DOCK3: variants seen among roughly 807,000 people sequenced by gnomAD.
DOCK3 encodes dedicator of cytokinesis protein 3.
DOCK3 carries 60 observed loss-of-function variants against 265.6 expected under a neutral mutation model. The ratio of observed to expected loss-of-function variants is 0.23; its 90% CI spans 0.18 to 0.28. The LOEUF (loss-of-function observed/expected upper bound fraction) is 0.28. Among genes scored for constraint, DOCK3 ranks in the 10% least tolerant of loss-of-function variants. DOCK3 has a pLI of 1.00. For synonymous variants in DOCK3, 881 were observed against 938.0 expected (o/e 0.94, Z 1.11); for missense variants, 1,981 against 2,594.3 (o/e 0.76, Z 5.14).
At chr3:51,276,424 A>C (rs2080822891) in intron 25 of DOCK3, 3 of 985,406 alleles carry the variant, frequency 3.0e-6, no homozygotes, top group Non-Finnish European at 3.6e-6. Context: ...AAGAGGAGGA[A>C]TGGAACACAA....
At chr3:50,883,913 A>G (rs2048191779) in intron 3 of DOCK3, among the ~76,000 whole-genome samples, 1 of 152,074 alleles carries the variant, frequency 6.6e-6, no homozygotes, top group Admixed American at 6.6e-5. Context: ...GCTGACAACC[A>G]TATGACTTCT....
chr3:50,955,097 T>A (rs2076693976), intron 5 of DOCK3, among the ~76,000 whole-genome samples: 1 of 152,146 alleles, frequency 6.6e-6, no homozygotes, highest in Admixed American at 6.5e-5. Flanking sequence ...GTGTCACTGA[T>A]CATTAGATAA....
chr3:51,265,727 A>G (rs770128206), intron 23 of DOCK3, among the ~76,000 whole-genome samples: 2 of 152,222 alleles, frequency 1.3e-5, no homozygotes, highest in Non-Finnish European at 2.9e-5. Flanking sequence ...ATTTATGACA[A>G]ACCCACAGCC....
At chr3:51,164,942 T>C (rs1488268330) in intron 12 of DOCK3, among the ~76,000 whole-genome samples, 1 of 131,436 alleles carries the variant, frequency 7.6e-6, no homozygotes, top group African/African-American at 3.6e-5. Flanking sequence ...TTAGGAGCCT[T>C]TTTTTTTTTT....
chr3:51,199,487 G>T (rs1420937573), intron 12 of DOCK3, among the ~76,000 whole-genome samples: 1 of 152,256 alleles, frequency 6.6e-6, no homozygotes, highest in Non-Finnish European at 1.5e-5. Flanking sequence ...GGCTGGGGGA[G>T]GGGCGCCCGC....
At chr3:51,141,528 C>T (rs2085069870) in intron 9 of DOCK3, among the ~76,000 whole-genome samples, 1 of 152,006 alleles carries the variant, frequency 6.6e-6, no homozygotes, top group South Asian at 2.1e-4. Context: ...CAGCTTCATT[C>T]CTTTGCATGT....
chr3:50,814,399 C>T (rs963151700), intron 2 of DOCK3, among the ~76,000 whole-genome samples: 19 of 150,888 alleles, frequency 1.3e-4, no homozygotes, highest in South Asian at 2.1e-4. Flanking sequence ...CCTGAGTAGC[C>T]GGGACTACAG....
intron 10 of DOCK3, among the ~76,000 whole-genome samples, chr3:51,155,716 A>G (rs2085813181): frequency 6.6e-6 from 1 of 152,218 alleles, no homozygotes; most frequent in Non-Finnish European, 1.5e-5. Flanking sequence ...CTACCAAGGA[A>G]GAATTTTATC....
At chr3:51,123,584 G>C (rs913736044) in intron 9 of DOCK3, among the ~76,000 whole-genome samples, 5 of 152,138 alleles carry the variant, frequency 3.3e-5, no homozygotes, top group African/African-American at 1.2e-4. Context: ...AAGCTTCTTT[G>C]TGCTCTCTGT....
intron 1 of DOCK3, among the ~76,000 whole-genome samples, chr3:50,683,261 G>A (rs2107678608): frequency 6.6e-6 from 1 of 152,256 alleles, no homozygotes; most frequent in African/African-American, 2.4e-5. Context: ...CATTTAAAAA[G>A]TATTTTATAT....
At chr3:50,707,807 G>A (rs1315025728) in intron 1 of DOCK3, among the ~76,000 whole-genome samples, 1 of 152,016 alleles carries the variant, frequency 6.6e-6, no homozygotes, top group Non-Finnish European at 1.5e-5. Context: ...TGGCAGTGGT[G>A]TGCCACTTTT....
intron 1 of DOCK3, among the ~76,000 whole-genome samples, chr3:50,763,123 G>A (rs1290596105): frequency 6.6e-6 from 1 of 152,010 alleles, no homozygotes; most frequent in African/African-American, 2.4e-5. Flanking sequence ...TTACAGTGGG[G>A]TTATATCTCA....
At chr3:51,347,788 ATTTG>A (rs1219963553) in intron 38 of DOCK3, among the ~76,000 whole-genome samples, 1 of 152,132 alleles carries the variant, frequency 6.6e-6, no homozygotes, top group Non-Finnish European at 1.5e-5. Flanking sequence ...ATGTTCTTCC[ATTTG>A]TTTGTGTCCT....
intron 44 of DOCK3, 90 bp from the exon 45 acceptor site, chr3:51,357,668 T>C (rs1208671827): frequency 7.7e-7 from 1 of 1,305,296 alleles, no homozygotes; most frequent in Non-Finnish European, 1.1e-6. Flanking sequence ...GGCTGCTTTT[T>C]AGGTGGCATT....
intron 3 of DOCK3, among the ~76,000 whole-genome samples, chr3:50,882,701 C>T (rs190089101): frequency 6.4e-4 from 98 of 152,312 alleles, no homozygotes; most frequent in African/African-American, 2.3e-3. Flanking sequence ...TTGTGGAAGA[C>T]AGTGTGGAGA....
chr3:51,270,183 A>G (rs1256176264), intron 23 of DOCK3, among the ~76,000 whole-genome samples: 1 of 152,218 alleles, frequency 6.6e-6, no homozygotes, highest in East Asian at 1.9e-4. Context: ...ACAGTCCTCA[A>G]GAGTTTATGG....
chr3:50,756,607 G>T (rs2040178940), intron 1 of DOCK3, among the ~76,000 whole-genome samples: 1 of 152,174 alleles, frequency 6.6e-6, no homozygotes, highest in East Asian at 1.9e-4. Flanking sequence ...AGATCATATA[G>T]TAATTATATG....
chr3:51,359,036 C>G lies in DOCK3; in HGVS notation c.4884+959C>G, dbSNP rs1267108413. Among the ~76,000 whole-genome samples, 1 of 152,236 alleles carries G rather than the reference C, an allele frequency of 6.6e-6. No individual in the cohort carries two copies. The highest frequency in any genetic ancestry group is 1.9e-4 in the East Asian group (1 of 5,200). On this transcript the variant is annotated intron_variant, in intron 46 of 52. Transcript: ENST00000266037. The surrounding 1 kb of genome is among the most constrained non-coding windows in gnomAD (Gnocchi z 4.8). Reference sequence around the variant, plus strand: ...CAAGCCAAGTTCTCTTCTCATCACCCAGGACCACTGGACAGAAGTGGCAGG... The same window carrying G: ...CAAGCCAAGTTCTCTTCTCATCACCGAGGACCACTGGACAGAAGTGGCAGG...
intron 12 of DOCK3, among the ~76,000 whole-genome samples, chr3:51,162,211 G>T (rs981493157): frequency 3.3e-5 from 5 of 151,986 alleles, no homozygotes; most frequent in South Asian, 2.1e-4. Flanking sequence ...CCATAATATC[G>T]TATAGATATT....
Sources: allele counts gnomAD v4.1 joint callset (sites outside exome capture counted in the v4.1 genomes callset), GRCh38; gene constraint gnomAD v4.1.1; non-coding constraint Gnocchi (gnomAD v3.1); transcripts MANE v1.5; gene names NCBI Gene and HGNC (gene_info 2026-07-23, HGNC 2026-07-21).